The following RBFOX1 variants were observed in gnomAD, a reference collection of about 807,000 sequenced individuals.
RBFOX1 encodes the protein RNA binding protein fox-1 homolog 1.
In RBFOX1, 8 loss-of-function variants were observed where a neutral mutation model predicts 57.7. That is an observed-to-expected ratio of 0.14 (90% CI 0.08 to 0.25). The LOEUF (loss-of-function observed/expected upper bound fraction) is 0.25. Among genes scored for constraint, RBFOX1 ranks in the 10% least tolerant of loss-of-function variants. The pLI, the probability that RBFOX1 is intolerant of heterozygous loss-of-function variation, is 1.00. For synonymous variants in RBFOX1, 326 were observed against 222.4 expected (o/e 1.47, Z -4.15); for missense variants, 611 against 548.5 (o/e 1.11, Z -1.14).
At chr16:6,091,906 C>T (rs1413468556) in intron 1 of RBFOX1, among the ~76,000 whole-genome samples, 1 of 152,206 alleles carries the variant, frequency 6.6e-6, no homozygotes, top group African/African-American at 2.4e-5. Flanking sequence ...ACTTTTGCTT[C>T]TGCTACTGGT....
At chr16:6,207,379 T>G (rs1223573559) in intron 1 of RBFOX1, among the ~76,000 whole-genome samples, 1 of 152,230 alleles carries the variant, frequency 6.6e-6, no homozygotes, top group Admixed American at 6.5e-5. Context: ...CTCATTTATC[T>G]CTGCATAATT....
At chr16:7,440,929 C>T (rs1395362494) in intron 4 of RBFOX1, among the ~76,000 whole-genome samples, 3 of 152,084 alleles carry the variant, frequency 2.0e-5, no homozygotes, top group African/African-American at 7.2e-5. Flanking sequence ...GTCCTAGCTG[C>T]TTTGGAGGCA....
At chr16:7,427,995 C>T (rs2098638605) in intron 4 of RBFOX1, among the ~76,000 whole-genome samples, 1 of 152,174 alleles carries the variant, frequency 6.6e-6, no homozygotes, top group African/African-American at 2.4e-5. Context: ...TATCTTTTTA[C>T]ATTCCAAGAA....
intron 3 of RBFOX1, among the ~76,000 whole-genome samples, chr16:5,816,971 A>G (rs1399084388): frequency 6.6e-6 from 1 of 152,106 alleles, no homozygotes; most frequent in African/African-American, 2.4e-5. Context: ...TTGGGATCCA[A>G]ACAAAAATAT....
rs573617343 is a variant in RBFOX1 at position 5,259,396 on chromosome 16, G to A, written c.219+19291G>A. Among the ~76,000 whole-genome samples, 8 of 152,272 alleles carry A rather than the reference G, an allele frequency of 5.3e-5. No individual in the cohort carries two copies. In the East Asian group the frequency reaches 1.5e-3, roughly 29 times the overall value. On this transcript the variant is annotated intron_variant, in intron 1 of 2. Transcript: ENST00000585867. ...CAGCCTGGCTCTGGCTCTGGCTCTG[G>A]GAGCTGGGTTGGGAACTAGTCTTTG...
At chr16:6,526,019 A>G (rs2096572909) in intron 2 of RBFOX1, among the ~76,000 whole-genome samples, 1 of 152,186 alleles carries the variant, frequency 6.6e-6, no homozygotes, top group Non-Finnish European at 1.5e-5. Context: ...TGAGATTGGG[A>G]AAAATGGAAT....
intron 4 of RBFOX1, among the ~76,000 whole-genome samples, chr16:5,943,237 G>A (rs1009860631): frequency 6.6e-6 from 1 of 152,164 alleles, no homozygotes; most frequent in African/African-American, 2.4e-5. Context: ...GTTTAAAAGT[G>A]CAGTTTTCCC....
intron 1 of RBFOX1, among the ~76,000 whole-genome samples, chr16:6,063,549 T>G (rs2095717404): frequency 6.6e-6 from 1 of 151,686 alleles, no homozygotes; most frequent in African/African-American, 2.4e-5. Context: ...CTGATCATAT[T>G]GTTCTGTTAA....
rs1348446630 is a variant in RBFOX1, at chr16:6,955,680, G to GGTAT, written c.-15-96368_-15-96365dup. On this transcript the variant is annotated intron_variant, in intron 3 of 15. Coordinates refer to ENST00000550418, the MANE Select transcript of RBFOX1 (RefSeq NM_018723.4). ...GCTACACCACCACTTTATTTATTTAGGTATGTATGTATTTATTTATTTATT... is the reference window on the plus strand; with the variant it reads ...GCTACACCACCACTTTATTTATTTAGGTATGTATGTATGTATTTATTTATTTATT... Among the ~76,000 whole-genome samples the GGTAT allele has an allele frequency of 8.3e-3, 841 of 101,196 alleles. 14 individuals are homozygous for GGTAT. The highest frequency in any genetic ancestry group is 0.027 in the African/African-American group (764 of 28,794). The allele number at this position is 101,196 out of a possible 152,430, so 66.4% of individuals were successfully genotyped here. A position where few individuals can be genotyped will look rare whatever the true frequency, so the allele number is the denominator to read the frequency against.
chr16:5,956,810 C>G (rs373433959), intron 4 of RBFOX1, among the ~76,000 whole-genome samples: 1 of 150,250 alleles, frequency 6.7e-6, no homozygotes, highest in African/African-American at 2.4e-5. Context: ...TATGGGATTA[C>G]AAGCATGCAC....
In RBFOX1 at chr16:6,829,730, T is replaced by C. The variant is rs149065083; in HGVS notation, c.-16+175080T>C. On this transcript the variant is annotated intron_variant, in intron 3 of 15. Coordinates refer to ENST00000550418, the MANE Select transcript of RBFOX1 (RefSeq NM_018723.4). ...GATTCTTCTGTCTCAGCCTCCTGAG[T>C]AGCTGGAATTACAGGCACCTGCCAC... 3.4e-3 allele frequency among the ~76,000 whole-genome samples: 514 copies of C among 152,058 alleles called. 3 individuals carry two copies. Among genetic ancestry groups the C allele is most frequent in the African/African-American group, 0.012 (481 of 41,522 alleles).
At chr16:6,693,107 C>A (rs544056424) in intron 3 of RBFOX1, among the ~76,000 whole-genome samples, 5 of 151,686 alleles carry the variant, frequency 3.3e-5, no homozygotes, top group Admixed American at 6.6e-5. Flanking sequence ...TCATCATCCT[C>A]ATCCTCCCCC....
At chr16:6,003,451 C>A (rs910740664) in intron 4 of RBFOX1, among the ~76,000 whole-genome samples, 1 of 152,132 alleles carries the variant, frequency 6.6e-6, no homozygotes, top group East Asian at 1.9e-4. Context: ...TTGGTGACTA[C>A]TTCTCGCCAC....
intron 3 of RBFOX1, among the ~76,000 whole-genome samples, chr16:6,756,957 A>G (rs933648621): frequency 6.6e-6 from 1 of 150,902 alleles, no homozygotes; most frequent in Non-Finnish European, 1.5e-5. Context: ...CCTGGGCACC[A>G]AGGGCGAAAC....
chr16:5,954,160 G>T (rs1177202651), intron 4 of RBFOX1, among the ~76,000 whole-genome samples: 1 of 152,150 alleles, frequency 6.6e-6, no homozygotes, highest in Non-Finnish European at 1.5e-5. Context: ...CCTTGTGTTT[G>T]CCTCAGTGTT....
At chr16:5,858,548 C>T (rs535513269) in intron 3 of RBFOX1, among the ~76,000 whole-genome samples, 21 of 152,190 alleles carry the variant, frequency 1.4e-4, no homozygotes, top group Non-Finnish European at 1.6e-4. Flanking sequence ...AAATCGTCTG[C>T]AAGATAGACC....
chr16:7,514,958 A>G (rs2076032769), intron 4 of RBFOX1, among the ~76,000 whole-genome samples: 1 of 152,122 alleles, frequency 6.6e-6, no homozygotes, highest in South Asian at 2.1e-4. Flanking sequence ...TCATATGATC[A>G]TTGTCTGTAC....
intron 1 of RBFOX1, among the ~76,000 whole-genome samples, chr16:6,171,755 A>G (rs745349076): frequency 6.6e-6 from 1 of 152,160 alleles, no homozygotes; most frequent in South Asian, 2.1e-4. Flanking sequence ...GATGAATAGT[A>G]AGAGTGATTG....
intron 6 of RBFOX1, among the ~76,000 whole-genome samples, chr16:7,586,219 T>C (rs1218933747): frequency 6.6e-6 from 1 of 152,178 alleles, no homozygotes; most frequent in Non-Finnish European, 1.5e-5. Context: ...CATTACCCTC[T>C]CTCTCAGTTG....
Sources: gnomAD v4.1 joint callset for allele counts (sites outside exome capture counted in the v4.1 genomes callset) on GRCh38, gnomAD v4.1.1 for gene constraint, MANE v1.5 for transcripts, NCBI Gene and HGNC (gene_info 2026-07-23, HGNC 2026-07-21) for gene names.